The following SV2C variants were observed in gnomAD, a reference collection of about 807,000 sequenced individuals.
SV2C encodes synaptic vesicle glycoprotein 2C.
A neutral mutation model predicts 79.7 loss-of-function variants in SV2C; 49 were observed. That is an observed-to-expected ratio of 0.61 (90% CI 0.49 to 0.78). The LOEUF (loss-of-function observed/expected upper bound fraction) is 0.78, where lower values mean the gene tolerates loss of function less well. SV2C is among the 30% of genes least tolerant of loss of function. SV2C has a pLI of 0.00. For missense variants in SV2C, 833 were observed against 912.9 expected (o/e 0.91, Z 1.13); for synonymous variants, 334 against 333.2 (o/e 1.00, Z -0.03).
intron 2 of SV2C, among the ~76,000 whole-genome samples, chr5:76,151,728 G>A (rs1375708355): frequency 6.6e-6 from 1 of 152,152 alleles, no homozygotes; most frequent in African/African-American, 2.4e-5. Context: ...AGGAAGATGT[G>A]TTTGGTTATC....
chr5:76,285,105 T>A (rs1159798091), intron 4 of SV2C, 57 bp from the exon 5 acceptor site: 7 of 1,602,554 alleles, frequency 4.4e-6, no homozygotes, highest in Non-Finnish European at 6.0e-6. Flanking sequence ...CGGGTGATGT[T>A]CCCAGGAGGC....
chr5:75,870,068 A>G, the SV2C span, among the ~76,000 whole-genome samples: 1 of 152,140 alleles, frequency 6.6e-6, no homozygotes, highest in African/African-American at 2.4e-5. Context: ...GAAGACTCCA[A>G]TAAATATGTA....
chr5:76,258,775 C>G (rs1028731905), intron 4 of SV2C, among the ~76,000 whole-genome samples: 3 of 152,184 alleles, frequency 2.0e-5, no homozygotes, highest in Non-Finnish European at 4.4e-5. Flanking sequence ...AACCACCACC[C>G]AAATCAGGAT....
At chr5:75,966,502 CA>C in the SV2C span, among the ~76,000 whole-genome samples, 1 of 152,162 alleles carries the variant, frequency 6.6e-6, no homozygotes, top group Non-Finnish European at 1.5e-5. Flanking sequence ...CCTCGCTGCT[CA>C]TCAGAATAAG....
the SV2C span, among the ~76,000 whole-genome samples, chr5:76,056,145 CTT>C: frequency 1.3e-5 from 2 of 152,142 alleles, no homozygotes; most frequent in Non-Finnish European, 2.9e-5. Flanking sequence ...AAAAATAACT[CTT>C]ATTATTTTGA....
intron 1 of SV2C, among the ~76,000 whole-genome samples, chr5:76,111,193 C>T (rs1203834974): frequency 1.3e-5 from 2 of 151,910 alleles, no homozygotes; most frequent in East Asian, 1.9e-4. Context: ...GAAGTGGGGA[C>T]GGATTCTAAA....
the SV2C span, among the ~76,000 whole-genome samples, chr5:75,883,588 C>G: frequency 6.9e-6 from 1 of 144,404 alleles, no homozygotes; most frequent in Non-Finnish European, 1.5e-5. Flanking sequence ...ATCGCAAGAA[C>G]AAAAAACCCA....
the SV2C span, among the ~76,000 whole-genome samples, chr5:75,933,688 C>T: frequency 3.3e-5 from 5 of 152,238 alleles, no homozygotes; most frequent in Non-Finnish European, 5.9e-5. Flanking sequence ...CAGGAACCAT[C>T]TTGGCTCCAG....
At chr5:76,011,806 T>A in the SV2C span, among the ~76,000 whole-genome samples, 2 of 152,282 alleles carry the variant, frequency 1.3e-5, no homozygotes, top group East Asian at 3.9e-4. Context: ...TTCTCCTCCC[T>A]GTGTCCATGT....
the SV2C span, among the ~76,000 whole-genome samples, chr5:76,000,189 T>C: frequency 6.6e-6 from 1 of 152,148 alleles, no homozygotes; most frequent in South Asian, 2.1e-4. Context: ...AATTTAGGCA[T>C]CTTTCATGAA....
chr5:76,067,735 A>G, the SV2C span, among the ~76,000 whole-genome samples: 3 of 152,026 alleles, frequency 2.0e-5, no homozygotes, highest in African/African-American at 7.2e-5. Context: ...ATGTGTCTCT[A>G]TGTATTCAAC....
At chr5:75,886,279 A>G in the SV2C span, among the ~76,000 whole-genome samples, 1 of 152,096 alleles carries the variant, frequency 6.6e-6, no homozygotes, top group South Asian at 2.1e-4. Flanking sequence ...ACCAGAAATC[A>G]TATTCTGTCT....
chr5:76,268,675 T>A (rs2972828), intron 4 of SV2C, among the ~76,000 whole-genome samples: 1 of 152,038 alleles, frequency 6.6e-6, no homozygotes, highest in African/African-American at 2.4e-5. Context: ...TTATAAGCTG[T>A]GGGTGTTTTC....
At chr5:75,958,393 T>A in the SV2C span, among the ~76,000 whole-genome samples, 1 of 152,124 alleles carries the variant, frequency 6.6e-6, no homozygotes, top group South Asian at 2.1e-4. Context: ...TGAAGTTCCC[T>A]AAATGTGGGG....
At chr5:75,851,416 A>G in the SV2C span, among the ~76,000 whole-genome samples, 1 of 152,242 alleles carries the variant, frequency 6.6e-6, no homozygotes, top group Non-Finnish European at 1.5e-5. Context: ...TTTAGGAAAT[A>G]GCCGGTGTAG....
chr5:76,331,228 TC>T lies in SV2C; in HGVS notation c.*5685del, dbSNP rs1209239288. ...CAGAGACAGGAGCTAGGGGGTCTGT[TC>T]CCCAGCGAATAGTGTTGGGGTTTTC... On this transcript the variant is annotated 3_prime_UTR_variant, in exon 13 of 13. Transcript: ENST00000502798. The T allele has an allele frequency of 6.6e-6, 1 of 152,188 alleles. No individual in the cohort carries two copies. The highest frequency in any genetic ancestry group is 1.5e-5 in the Non-Finnish European group (1 of 68,106). 9.4% of individuals were successfully genotyped at this position (152,188 alleles called of 1,614,324 possible). A position where few individuals can be genotyped will look rare whatever the true frequency, so the allele number is the denominator to read the frequency against.
At chr5:76,006,813 G>A in the SV2C span, among the ~76,000 whole-genome samples, 2 of 152,006 alleles carry the variant, frequency 1.3e-5, no homozygotes, top group Non-Finnish European at 2.9e-5. Flanking sequence ...ATATTCTACA[G>A]CTTCCATGCC....
At chr5:76,286,317 C>T (rs1366413023) in intron 6 of SV2C, among the ~76,000 whole-genome samples, 1 of 152,028 alleles carries the variant, frequency 6.6e-6, no homozygotes, top group Non-Finnish European at 1.5e-5. Context: ...CAGAAGAGAG[C>T]CAGGCTGTGC....
chr5:76,196,084 T>C (rs1561259685), intron 3 of SV2C, among the ~76,000 whole-genome samples: 1 of 152,234 alleles, frequency 6.6e-6, no homozygotes, highest in African/African-American at 2.4e-5. Flanking sequence ...CTATCAGTTG[T>C]GGTTGTTAGT....
Sources: gnomAD v4.1 joint callset for allele counts (sites outside exome capture counted in the v4.1 genomes callset) on GRCh38, gnomAD v4.1.1 for gene constraint, MANE v1.5 for transcripts, NCBI Gene and HGNC (gene_info 2026-07-23, HGNC 2026-07-21) for gene names.